PRKAR2A: variants seen among roughly 807,000 people sequenced by gnomAD.
The protein encoded by PRKAR2A is protein kinase cAMP-dependent type II regulatory subunit alpha, also known as cAMP-dependent protein kinase type II-alpha regulatory subunit.
In PRKAR2A, 29 loss-of-function variants were observed where a neutral mutation model predicts 51.9. The ratio of observed to expected loss-of-function variants is 0.56; its 90% CI spans 0.42 to 0.76. The LOEUF (loss-of-function observed/expected upper bound fraction) is 0.76, where lower values mean the gene tolerates loss of function less well. Ranked by LOEUF, PRKAR2A falls within the 30% of genes least tolerant of loss-of-function variation. The pLI is 0.00. For synonymous variants in PRKAR2A, 178 were observed against 186.2 expected (o/e 0.96, Z 0.36); for missense variants, 445 against 512.1 (o/e 0.87, Z 1.26).
At chr3:48,813,003 C>T (rs1272611715) in intron 1 of PRKAR2A, among the ~76,000 whole-genome samples, 1 of 152,026 alleles carries the variant, frequency 6.6e-6, no homozygotes, top group African/African-American at 2.4e-5. Flanking sequence ...AGATAAGAGG[C>T]AAATAATTCT....
intron 8 of PRKAR2A, among the ~76,000 whole-genome samples, chr3:48,761,584 A>G (rs1189682295): frequency 6.6e-6 from 1 of 152,166 alleles, no homozygotes; most frequent in East Asian, 1.9e-4. Context: ...AATTAAGTTC[A>G]CCATTTCAAA....
intron 1 of PRKAR2A, among the ~76,000 whole-genome samples, chr3:48,838,363 T>C (rs1156939495): frequency 1.3e-5 from 2 of 151,976 alleles, no homozygotes; most frequent in Admixed American, 6.6e-5. Flanking sequence ...TCCCAGCACT[T>C]TGGGAGGCCG....
At chr3:48,803,856 A>C (rs1484947961) in intron 2 of PRKAR2A, among the ~76,000 whole-genome samples, 1 of 152,174 alleles carries the variant, frequency 6.6e-6, no homozygotes, top group African/African-American at 2.4e-5. Context: ...AAAATACAAA[A>C]ATTAGGCTAA....
At chr3:48,814,759 A>C (rs2107382631) in intron 1 of PRKAR2A, among the ~76,000 whole-genome samples, 1 of 152,314 alleles carries the variant, frequency 6.6e-6, no homozygotes, top group Middle Eastern at 3.4e-3. Context: ...GCCCTCCAGC[A>C]ACTTACAGCA....
chr3:48,791,903 CAAAAAAAAAAAA>C (rs1177374619), intron 3 of PRKAR2A, among the ~76,000 whole-genome samples: 37 of 41,896 alleles, frequency 8.8e-4, no homozygotes, highest in African/African-American at 1.7e-3. Flanking sequence ...AACTCTGTCT[CAAAAAAAAAAAA>C]AAAAAAAAAA....
At chr3:48,798,270 G>A (rs2082528286) in intron 2 of PRKAR2A, among the ~76,000 whole-genome samples, 1 of 152,100 alleles carries the variant, frequency 6.6e-6, no homozygotes, top group Non-Finnish European at 1.5e-5. Flanking sequence ...CATTTCTATT[G>A]TCACTTTTTG....
At chr3:48,816,571 G>T (rs528696372) in intron 1 of PRKAR2A, among the ~76,000 whole-genome samples, 14 of 152,100 alleles carry the variant, frequency 9.2e-5, no homozygotes, top group Non-Finnish European at 1.5e-4. Flanking sequence ...CTGGGAGGTG[G>T]GGGTTGCAGT....
chr3:48,751,410 C>G lies in PRKAR2A; in HGVS notation c.*175G>C. 1.1e-6 allele frequency: 1 copy of G among 903,454 alleles called. No homozygotes were observed. The highest frequency in any genetic ancestry group is 1.8e-6 in the Non-Finnish European group (1 of 567,856). 56.0% of individuals were successfully genotyped at this position (903,454 alleles called of 1,614,324 possible). On this transcript the variant is annotated 3_prime_UTR_variant, in exon 11 of 11. Transcript: ENST00000265563. ...AGCAAAGTGGAGGTGTGGGTTGAAC[C>G]TCTGCCCATCCTTTAGTGCTGACTT...
chr3:48,842,984 G>A (rs2083403961), intron 1 of PRKAR2A, among the ~76,000 whole-genome samples: 1 of 152,040 alleles, frequency 6.6e-6, no homozygotes, highest in Non-Finnish European at 1.5e-5. Flanking sequence ...GTTTCAGAAG[G>A]AATGGTACCA....
intron 1 of PRKAR2A, among the ~76,000 whole-genome samples, chr3:48,808,158 C>T (rs1235264443): frequency 3.3e-5 from 5 of 151,930 alleles, no homozygotes; most frequent in African/African-American, 1.2e-4. Flanking sequence ...CGCCATTCTC[C>T]TGCCTCAGCC....
chr3:48,763,517 A>G (rs560649476), intron 8 of PRKAR2A, among the ~76,000 whole-genome samples: 3 of 152,256 alleles, frequency 2.0e-5, no homozygotes, highest in Middle Eastern at 3.4e-3. Flanking sequence ...TGTTACTTAA[A>G]GCACCTTAGG....
chr3:48,775,845 C>T (rs937343305), intron 5 of PRKAR2A, among the ~76,000 whole-genome samples: 2 of 152,098 alleles, frequency 1.3e-5, no homozygotes, highest in South Asian at 2.1e-4. Context: ...CAGTGGCTCA[C>T]GCCTGTAATC....
chr3:48,809,401 G>A (rs918798245), intron 1 of PRKAR2A, among the ~76,000 whole-genome samples: 1 of 151,536 alleles, frequency 6.6e-6, no homozygotes, highest in Non-Finnish European at 1.5e-5. Context: ...GACTAGCCTG[G>A]CAAACATGGT....
intron 1 of PRKAR2A, among the ~76,000 whole-genome samples, chr3:48,823,839 G>A (rs951154858): frequency 1.3e-5 from 2 of 150,998 alleles, no homozygotes; most frequent in South Asian, 2.1e-4. Flanking sequence ...AGGACACTAC[G>A]GAAGTCTACT....
intron 1 of PRKAR2A, among the ~76,000 whole-genome samples, chr3:48,823,884 G>A (rs1170342021): frequency 6.6e-6 from 1 of 151,794 alleles, no homozygotes; most frequent in East Asian, 1.9e-4. Flanking sequence ...GAGGAAATTT[G>A]AAGAGGTTAC....
chr3:48,847,558 C>A lies in PRKAR2A; in HGVS notation c.39G>T (p.Leu13=), dbSNP rs1336078029. The change falls in exon 1 of 11, where the codon CTG becomes CTT. Residue 13 remains leucine (L), a synonymous_variant. Transcript: ENST00000265563. The surrounding 1 kb of genome is among the most constrained non-coding windows in gnomAD (Gnocchi z 4.4). ...GCACCTCCACCGTGTAGCCCTGCAG[C>A]AGCTCCGTGAGCCCCGGCGGGATCT... is the stretch of plus-strand genomic sequence containing the variant. ...HIQIPPGLTE[L]LQGYTVEVLR... 5 of 1,558,358 alleles carry A rather than the reference C, an allele frequency of 3.2e-6. No individual in the cohort carries two copies. The highest frequency in any genetic ancestry group is 3.5e-6 in the Non-Finnish European group (4 of 1,156,258).
At chr3:48,841,425 A>C (rs1405479740) in intron 1 of PRKAR2A, among the ~76,000 whole-genome samples, 1 of 151,132 alleles carries the variant, frequency 6.6e-6, no homozygotes, top group African/African-American at 2.4e-5. Context: ...CATGCCTGTA[A>C]TCCCAGCTAC....
chr3:48,806,596 T>C (rs891905484), intron 2 of PRKAR2A, among the ~76,000 whole-genome samples: 8 of 151,870 alleles, frequency 5.3e-5, no homozygotes, highest in African/African-American at 9.7e-5. Context: ...ATTAAAAAAA[T>C]AGCATAACCA....
At chr3:48,839,517 T>C (rs1249811106) in intron 1 of PRKAR2A, among the ~76,000 whole-genome samples, 4 of 152,108 alleles carry the variant, frequency 2.6e-5, no homozygotes, top group African/African-American at 9.7e-5. Flanking sequence ...CAGTAATTTA[T>C]TAATAAGTTT....
Sources: gnomAD v4.1 joint callset for allele counts (sites outside exome capture counted in the v4.1 genomes callset) on GRCh38, gnomAD v4.1.1 for gene constraint, Gnocchi (gnomAD v3.1) non-coding constraint, MANE v1.5 for transcripts, NCBI Gene and HGNC (gene_info 2026-07-23, HGNC 2026-07-21) for gene names.